The following MICAL2 variants were observed in gnomAD, a reference collection of about 807,000 sequenced individuals.
The protein encoded by MICAL2 is [F-actin]-monooxygenase MICAL2.
Under a neutral mutation model 127.3 loss-of-function variants are expected in MICAL2, and 77 were observed. The observed-to-expected ratio is 0.60, with a 90% confidence interval of 0.50 to 0.73. The LOEUF is 0.73. Among genes scored for constraint, MICAL2 ranks in the 30% least tolerant of loss-of-function variants. The pLI is 0.00. For missense variants in MICAL2, 1,351 were observed against 1,434.4 expected (o/e 0.94, Z 0.94); for synonymous variants, 570 against 551.1 (o/e 1.03, Z -0.48).
At chr11:12,143,943 G>A (rs1438440955) in intron 2 of MICAL2, among the ~76,000 whole-genome samples, 1 of 152,062 alleles carries the variant, frequency 6.6e-6, no homozygotes, top group Non-Finnish European at 1.5e-5. Flanking sequence ...GAGAGAGAGG[G>A]AAAGAGAGAG....
At chr11:12,262,447 TCTCTCTTTCC>T in intron 26 of MICAL2, 23 bp from the exon 27 acceptor site, 1 of 1,612,914 alleles carries the variant, frequency 6.2e-7, no homozygotes, top group Non-Finnish European at 8.5e-7. Flanking sequence ...TCTATCTTTC[TCTCTCTTTCC>T]AATCTTACGC....
downstream of MICAL2, chr11:12,294,277 G>A (rs1481746827): frequency 6.2e-7 from 1 of 1,614,004 alleles, no homozygotes; most frequent in East Asian, 2.2e-5. Flanking sequence ...GGTCTCTAGA[G>A]CCCCTCCTTT....
chr11:12,293,609 C>T, downstream of MICAL2: 2 of 1,613,978 alleles, frequency 1.2e-6, no homozygotes, highest in Non-Finnish European at 1.7e-6. Context: ...TCATCCAAGT[C>T]CTCCCACCCC....
intron 32 of MICAL2, among the ~76,000 whole-genome samples, chr11:12,344,017 C>T (rs574621938): frequency 1.3e-5 from 2 of 152,098 alleles, no homozygotes; most frequent in East Asian, 1.9e-4. Flanking sequence ...GCATATTGAC[C>T]GGGCACGATT....
At chr11:12,318,077 C>T (rs1362008369) in intron 29 of MICAL2, among the ~76,000 whole-genome samples, 1 of 152,164 alleles carries the variant, frequency 6.6e-6, no homozygotes, top group Non-Finnish European at 1.5e-5. Context: ...ATGATGATCA[C>T]GTGGTTCCTG....
At position 12,246,688 on chromosome 11, in the gene MICAL2, A is replaced by G. The variant is rs930415494; in HGVS notation, c.2785-2496A>G. On this transcript the variant is annotated intron_variant, in intron 21 of 27. Coordinates refer to ENST00000683283, the MANE Select transcript of MICAL2 (RefSeq NM_001282663.2). Reference sequence around the variant, plus strand: ...TGATCATAGCTCACTGCGTCCTCAAACTTTGGGACTCGAGTGATCCTCCTG... The same window carrying G: ...TGATCATAGCTCACTGCGTCCTCAAGCTTTGGGACTCGAGTGATCCTCCTG... Among the ~76,000 whole-genome samples the G allele has an allele frequency of 3.9e-5, 6 of 152,202 alleles. No individual in the cohort carries two copies. The East Asian group carries it at 9.7e-4, about 25-fold the overall frequency.
chr11:12,135,967 A>G (rs1189411490), intron 1 of MICAL2, among the ~76,000 whole-genome samples: 1 of 152,182 alleles, frequency 6.6e-6, no homozygotes, highest in Non-Finnish European at 1.5e-5. Flanking sequence ...TCATTTCTTC[A>G]TTCAACAAAT....
At position 12,241,107 on chromosome 11, in the gene MICAL2, G is replaced by T. The variant is rs765838978; in HGVS notation, c.2282G>T (p.Cys761Phe). 22 of 1,613,950 alleles carry T rather than the reference G, an allele frequency of 1.4e-5. No individual in the cohort carries two copies. The South Asian group carries it at 2.4e-4, about 18-fold the overall frequency. ...CSSSGPPVHS[C>F]CPKPEEATPS... ...TCCTCCGGCCCTCCTGTTCACTCTTGCTGCCCCAAGCCGGAGGAGGCCACA... is the reference window on the plus strand; with the variant it reads ...TCCTCCGGCCCTCCTGTTCACTCTTTCTGCCCCAAGCCGGAGGAGGCCACA... Residue 761 changes from cysteine (C) to phenylalanine (F), a missense_variant, in exon 18 of 28, where the codon TGC becomes TTC. Transcript: ENST00000683283.
chr11:12,319,793 G>A (rs770500574), exon 30 of MICAL2: 1 of 1,613,918 alleles, frequency 6.2e-7, no homozygotes, highest in South Asian at 1.1e-5. Context: ...TTGATCCCCA[G>A]CTTTCCTTGC....
downstream of MICAL2, among the ~76,000 whole-genome samples, chr11:12,288,704 C>T (rs1321048536): frequency 6.6e-6 from 1 of 152,168 alleles, no homozygotes; most frequent in African/African-American, 2.4e-5. Context: ...AAGTAAGGAA[C>T]CAAGGAGCGA....
chr11:12,241,288 G>T, intron 18 of MICAL2, 126 bp downstream of exon 18: 2 of 1,198,342 alleles, frequency 1.7e-6, no homozygotes, highest in South Asian at 3.0e-5. Flanking sequence ...GACACACCTT[G>T]ATGTCACCAC....
intron 25 of MICAL2, among the ~76,000 whole-genome samples, chr11:12,259,363 T>C (rs1256899402): frequency 1.3e-5 from 2 of 150,502 alleles, no homozygotes; most frequent in Non-Finnish European, 1.5e-5. Context: ...AATTTTTTTA[T>C]GTTGGAGCAT....
intron 24 of MICAL2, 134 bp downstream of exon 24, chr11:12,257,105 G>T: frequency 1.0e-6 from 1 of 981,732 alleles, no homozygotes; most frequent in Non-Finnish European, 1.4e-6. Flanking sequence ...CATCAGGAAA[G>T]CTGCTCAGGG....
At chr11:12,354,730 A>G (rs776038666) in intron 33 of MICAL2, 32 of 1,514,028 alleles carry the variant, frequency 2.1e-5, no homozygotes, top group South Asian at 3.5e-5. Flanking sequence ...TTATTCATCA[A>G]TGTTTCCTCA....
intron 18 of MICAL2, among the ~76,000 whole-genome samples, chr11:12,241,714 C>T (rs762290999): frequency 6.6e-6 from 1 of 152,196 alleles, no homozygotes. Flanking sequence ...TGTTATTGAC[C>T]ATAAGCCACA....
At chr11:12,249,044 G>A (rs1407787016) in intron 21 of MICAL2, 140 bp from the exon 22 acceptor site, 2 of 1,031,352 alleles carry the variant, frequency 1.9e-6, no homozygotes, top group South Asian at 1.7e-5. Flanking sequence ...CTACTCTTGA[G>A]GGTAACTGGA....
At chr11:12,314,106 G>T (rs1367511237) in intron 29 of MICAL2, among the ~76,000 whole-genome samples, 1 of 150,352 alleles carries the variant, frequency 6.7e-6, no homozygotes, top group Non-Finnish European at 1.5e-5. Flanking sequence ...CTATAGTTTG[G>T]GTTTCTGAAA....
chr11:12,356,346 G>C (rs1939128374), intron 34 of MICAL2, among the ~76,000 whole-genome samples: 1 of 152,218 alleles, frequency 6.6e-6, no homozygotes, highest in African/African-American at 2.4e-5. Flanking sequence ...AACAATCCGT[G>C]TAGGAGATGC....
At chr11:12,252,784 A>G (rs1493957) in intron 22 of MICAL2, 104,196 of 152,008 alleles carry the variant, frequency 0.69, 36,117 homozygotes, top group Middle Eastern at 0.79. Context: ...TTTAGATGTG[A>G]CCTCCCAAGG....
Sources: allele counts gnomAD v4.1 joint callset (sites outside exome capture counted in the v4.1 genomes callset), GRCh38; gene constraint gnomAD v4.1.1; transcripts MANE v1.5; gene names NCBI Gene and HGNC (gene_info 2026-07-23, HGNC 2026-07-21).